The following RUFY1 variants were observed in gnomAD, a reference collection of about 807,000 sequenced individuals.
RUFY1 encodes RUN and FYVE domain-containing protein 1.
RUFY1 carries 54 observed loss-of-function variants against 94.6 expected under a neutral mutation model. The ratio of observed to expected loss-of-function variants is 0.57; its 90% CI spans 0.46 to 0.72. The LOEUF is 0.72. RUFY1 is among the 30% of genes least tolerant of loss of function. The probability of loss-of-function intolerance (pLI) is 0.00; values close to 1 mark genes in which losing one functional copy is unlikely to be tolerated. For synonymous variants in RUFY1, 396 were observed against 347.3 expected, an observed-to-expected ratio of 1.14 and a Z score of -1.56; for missense variants, 883 against 883.9, an observed-to-expected ratio of 1.00 and a Z score of 0.01.
intron 11 of RUFY1, 86 bp from the exon 12 acceptor site, chr5:179,594,780 A>AAGC (rs1423709474): frequency 4.6e-6 from 3 of 652,474 alleles, no homozygotes; most frequent in African/African-American, 2.1e-5. Flanking sequence ...AAAAAAAAAA[A>AAGC]AAAGCAAATA....
At position 179,598,813 on chromosome 5, in the gene RUFY1, C is replaced by T. The variant is rs73336111; in HGVS notation, c.1753C>T (p.Leu585=). 1.3e-3 allele frequency: 2,162 copies of T among 1,614,086 alleles called. 23 individuals carry two copies. The African/African-American group carries it at 0.026, about 19-fold the overall frequency. The change falls in exon 14 of 18, where the codon CTG becomes TTG. Residue 585 remains leucine (L), a synonymous_variant. Coordinates refer to ENST00000319449, the MANE Select transcript of RUFY1 (RefSeq NM_025158.5). Reference sequence around the variant, plus strand: ...GATGGAGCTGCAACAAGTGGAAGGACTGAAAAAGGTGAGGTGGGCCATCCC... The same window carrying T: ...GATGGAGCTGCAACAAGTGGAAGGATTGAAAAAGGTGAGGTGGGCCATCCC... ...LRMELQQVEG[L]KKELRELQDE...
intron 2 of RUFY1, 84 bp downstream of exon 2, chr5:179,560,282 C>G: frequency 6.7e-7 from 1 of 1,491,726 alleles, no homozygotes; most frequent in Non-Finnish European, 9.1e-7. Flanking sequence ...AGACATCCTT[C>G]TAGATGCTGA....
At chr5:179,584,681 GA>G (rs1361875122) in intron 7 of RUFY1, among the ~76,000 whole-genome samples, 1 of 152,068 alleles carries the variant, frequency 6.6e-6, no homozygotes, top group Non-Finnish European at 1.5e-5. Flanking sequence ...GGAGGATCAT[GA>G]GCCTTGGAGG....
rs1015411017 is a variant in RUFY1, at chr5:179,562,793, C to T, written c.602+129C>T. On this transcript the variant is annotated intron_variant, in intron 3 of 17. Transcript: ENST00000319449. ...CTCTGCTGCTCATTATCCACATGAT[C>T]TCTAGCAAGACTTGACTCTCTCTGA... is the stretch of plus-strand genomic sequence containing the variant. The T allele has an allele frequency of 2.2e-5, 14 of 650,816 alleles. No homozygotes were observed. The African/African-American group carries it at 2.6e-4, about 12-fold the overall frequency. 40.3% of individuals were successfully genotyped at this position (650,816 alleles called of 1,614,324 possible). A position where few individuals can be genotyped will look rare whatever the true frequency, so the allele number is the denominator to read the frequency against.
At chr5:179,582,887 T>C (rs1764271593) in intron 7 of RUFY1, among the ~76,000 whole-genome samples, 1 of 151,906 alleles carries the variant, frequency 6.6e-6, no homozygotes, top group Non-Finnish European at 1.5e-5. Context: ...TTGCTGAAAT[T>C]TTATAGTTTT....
intron 8 of RUFY1, among the ~76,000 whole-genome samples, 168 bp downstream of exon 8, chr5:179,586,033 A>G (rs1429512118): frequency 6.6e-6 from 1 of 152,148 alleles, no homozygotes. Context: ...GCTCTGTCCG[A>G]GGCTCCCAGT....
intron 2 of RUFY1, among the ~76,000 whole-genome samples, chr5:179,560,471 G>A (rs1762358913): frequency 6.6e-6 from 1 of 152,068 alleles, no homozygotes; most frequent in Non-Finnish European, 1.5e-5. Context: ...TGTAATCCCA[G>A]CACTTTGGGA....
intron 5 of RUFY1, among the ~76,000 whole-genome samples, chr5:179,575,417 T>C (rs529191038): frequency 6.6e-6 from 1 of 152,298 alleles, no homozygotes; most frequent in African/African-American, 2.4e-5. Context: ...GACATCTCCA[T>C]GTTTACATGG....
intron 1 of RUFY1, among the ~76,000 whole-genome samples, chr5:179,557,387 G>A (rs1449247662): frequency 1.3e-5 from 2 of 152,198 alleles, no homozygotes. Flanking sequence ...CCAAGATCGT[G>A]CCATTGCACT....
At chr5:179,588,413 A>C (rs576056817) in intron 8 of RUFY1, among the ~76,000 whole-genome samples, 1 of 152,130 alleles carries the variant, frequency 6.6e-6, no homozygotes, top group South Asian at 2.1e-4. Context: ...TGGTGTGTTT[A>C]CTCATCTGCC....
At chr5:179,602,892 C>T (rs1003445948) in intron 15 of RUFY1, 1 of 152,294 alleles carries the variant, frequency 6.6e-6, no homozygotes. Flanking sequence ...CCATGCCTGA[C>T]ATAAGCACCA....
At chr5:179,588,310 A>C (rs973214611) in intron 8 of RUFY1, among the ~76,000 whole-genome samples, 11 of 152,260 alleles carry the variant, frequency 7.2e-5, no homozygotes, top group Non-Finnish European at 1.2e-4. Context: ...AGAGCCAGCC[A>C]AGCACCAAGG....
At chr5:179,606,051 CAG>C (rs941981641) in intron 16 of RUFY1, 127 bp downstream of exon 16, 2 of 686,410 alleles carry the variant, frequency 2.9e-6, no homozygotes, top group African/African-American at 3.6e-5. Flanking sequence ...GACGTATTGA[CAG>C]AGAAGCCAAA....
intron 8 of RUFY1, chr5:179,586,472 A>G: frequency 2.2e-6 from 1 of 456,144 alleles, no homozygotes; most frequent in South Asian, 1.5e-5. Context: ...GAGGCTTTCC[A>G]CAGGTAGCAG....
chr5:179,571,379 A>T (rs1254682344), intron 5 of RUFY1, among the ~76,000 whole-genome samples: 1 of 152,018 alleles, frequency 6.6e-6, no homozygotes, highest in Non-Finnish European at 1.5e-5. Context: ...GCTGTCTGTC[A>T]TCCCAGCTAC....
At chr5:179,590,067 A>G (rs1764923363) in intron 9 of RUFY1, among the ~76,000 whole-genome samples, 1 of 152,052 alleles carries the variant, frequency 6.6e-6, no homozygotes, top group Admixed American at 6.6e-5. Flanking sequence ...TAGAAACCAT[A>G]TCTGGGCCGG....
chr5:179,594,054 C>T lies in RUFY1; in HGVS notation c.1413+409C>T, dbSNP rs1212972542. On this transcript the variant is annotated intron_variant, in intron 11 of 17. Coordinates refer to ENST00000319449, the MANE Select transcript of RUFY1 (RefSeq NM_025158.5). ...GCACGGTGGCTCACGCTTGTAATCC[C>T]AGCACTTTGGGAGGCCGAGCGGGCA... Among the ~76,000 whole-genome samples the T allele has an allele frequency of 3.3e-5, 5 of 152,008 alleles. No homozygotes were observed. In the East Asian group the frequency reaches 5.8e-4, roughly 18 times the overall value.
intron 6 of RUFY1, among the ~76,000 whole-genome samples, chr5:179,577,378 A>G (rs1329871632): frequency 6.6e-6 from 1 of 151,048 alleles, no homozygotes; most frequent in African/African-American, 2.4e-5. Context: ...CATATTGGCC[A>G]GGCTGATCTC....
intron 10 of RUFY1, 119 bp from the exon 11 acceptor site, chr5:179,593,359 A>T: frequency 8.4e-7 from 1 of 1,193,838 alleles, no homozygotes; most frequent in South Asian, 1.4e-5. Context: ...GATTACAGGC[A>T]TGAGCCACCA....
Sources: gnomAD v4.1 joint callset for allele counts (sites outside exome capture counted in the v4.1 genomes callset) on GRCh38, gnomAD v4.1.1 for gene constraint, MANE v1.5 for transcripts, NCBI Gene and HGNC (gene_info 2026-07-23, HGNC 2026-07-21) for gene names.